CNTN4: variants seen among roughly 807,000 people sequenced by gnomAD.
The protein encoded by CNTN4 is contactin-4.
CNTN4 carries 77 observed loss-of-function variants against 122.5 expected under a neutral mutation model. The observed-to-expected ratio is 0.63, with a 90% CI of 0.52 to 0.76. The LOEUF is 0.76. CNTN4 is among the 30% of genes least tolerant of loss of function. CNTN4 has a pLI of 0.00. For synonymous variants in CNTN4, 512 were observed against 447.0 expected (o/e 1.15, Z -1.83); for missense variants, 1,256 against 1,259.1 (o/e 1.00, Z 0.04).
rs566060329 is a variant in CNTN4, at chr3:2,600,592, G to C, written c.55+29034G>C. On this transcript the variant is annotated intron_variant, in intron 4 of 24. Transcript: ENST00000418658. ...CTATGTGCCACATTTTCTTAATCCA[G>C]TGTATCATTGATGGACATTTGGGTT... Among the ~76,000 whole-genome samples, 18 of 152,258 alleles carry C rather than the reference G, an allele frequency of 1.2e-4. No individual in the cohort carries two copies. The East Asian group carries it at 2.5e-3, about 21-fold the overall frequency.
intron 3 of CNTN4, among the ~76,000 whole-genome samples, chr3:2,350,005 C>T (rs1280367613): frequency 2.0e-5 from 3 of 152,134 alleles, no homozygotes; most frequent in East Asian, 3.9e-4. Flanking sequence ...GCAATCCACC[C>T]TTGCCGTTAA....
chr3:2,353,463 G>C (rs2044728667), intron 3 of CNTN4, among the ~76,000 whole-genome samples: 1 of 152,070 alleles, frequency 6.6e-6, no homozygotes, highest in African/African-American at 2.4e-5. Flanking sequence ...AATAAATCTT[G>C]CCGCTGCTCA....
intron 4 of CNTN4, among the ~76,000 whole-genome samples, chr3:2,606,047 C>T (rs560363498): frequency 6.7e-4 from 102 of 152,060 alleles, no homozygotes; most frequent in Non-Finnish European, 1.3e-3. Flanking sequence ...TTTGGTGGGG[C>T]AGCACTCGAG....
intron 2 of CNTN4, among the ~76,000 whole-genome samples, chr3:2,269,897 A>AGTTT (rs138625814): frequency 0.027 from 1,856 of 68,786 alleles, 319 homozygotes; most frequent in African/African-American, 0.063. Flanking sequence ...TATTATAGCC[A>AGTTT]GTTTGTTTGT....
At chr3:2,154,665 A>T (rs904324930) in intron 2 of CNTN4, among the ~76,000 whole-genome samples, 1 of 152,238 alleles carries the variant, frequency 6.6e-6, no homozygotes, top group Non-Finnish European at 1.5e-5. Flanking sequence ...GGTTTTACAC[A>T]AATAGTGAAT....
intron 6 of CNTN4, among the ~76,000 whole-genome samples, chr3:2,752,121 T>C (rs1444412428): frequency 6.6e-6 from 1 of 152,190 alleles, no homozygotes. Context: ...TTCCCCTTTC[T>C]GTCCCTCCAT....
At chr3:2,953,518 C>A (rs191628508) in intron 13 of CNTN4, among the ~76,000 whole-genome samples, 1 of 152,006 alleles carries the variant, frequency 6.6e-6, no homozygotes, top group Admixed American at 6.6e-5. Flanking sequence ...TAAACTGACC[C>A]GGGGCACAGT....
rs11923069 is a variant in CNTN4 at position 2,646,474 on chromosome 3, G to A, written c.55+74916G>A. 8.5e-3 allele frequency among the ~76,000 whole-genome samples: 1,290 copies of A among 152,286 alleles called. 22 individuals are homozygous for A. The highest frequency in any genetic ancestry group is 0.029 in the African/African-American group (1,222 of 41,552). On this transcript the variant is annotated intron_variant, in intron 4 of 24. Transcript: ENST00000418658. Reference sequence around the variant, plus strand: ...ACCTCGTATAATCGTGGTCAGAATTGAAGGGGTTAATACATACCCTCAGAC... The same window carrying A: ...ACCTCGTATAATCGTGGTCAGAATTAAAGGGGTTAATACATACCCTCAGAC...
At chr3:2,941,688 A>G (rs1050015017) in intron 13 of CNTN4, among the ~76,000 whole-genome samples, 2 of 152,118 alleles carry the variant, frequency 1.3e-5, no homozygotes, top group Non-Finnish European at 2.9e-5. Context: ...CTCTGCTTCT[A>G]TACTCGCTCC....
intron 13 of CNTN4, among the ~76,000 whole-genome samples, chr3:2,962,053 T>C (rs1021329296): frequency 6.6e-6 from 1 of 152,232 alleles, no homozygotes; most frequent in East Asian, 1.9e-4. Flanking sequence ...ATATGAAAGA[T>C]GTAATTTGAA....
At chr3:3,054,010 C>A in intron 24 of CNTN4, 35 bp downstream of exon 24, 1 of 1,607,522 alleles carries the variant, frequency 6.2e-7, no homozygotes, top group Non-Finnish European at 8.5e-7. Context: ...TTTCTCCTGC[C>A]TGTCTTATCT....
chr3:2,260,011 T>A (rs1259199525), intron 2 of CNTN4, among the ~76,000 whole-genome samples: 1 of 152,146 alleles, frequency 6.6e-6, no homozygotes, highest in Non-Finnish European at 1.5e-5. Flanking sequence ...TTTTCATAGG[T>A]CATTGGAATT....
In CNTN4 at chr3:2,878,768, G is replaced by A. The variant is rs146611134; in HGVS notation, c.653-4377G>A. On this transcript the variant is annotated intron_variant, in intron 8 of 24. Coordinates refer to ENST00000418658, the MANE Select transcript of CNTN4 (RefSeq NM_175607.3). The stretch of plus-strand genomic sequence containing the variant: ...GAATATAGCTATGAAAAAGACAGAC[G>A]CATTATTTGGTGTAATATGTTTTGC... Among the ~76,000 whole-genome samples, 135 of 152,252 alleles carry A rather than the reference G, an allele frequency of 8.9e-4. 1 individual carries two copies. The Middle Eastern group carries it at 0.031, about 35-fold the overall frequency.
rs147700700 is a variant in CNTN4 at position 2,300,594 on chromosome 3, A to G, written c.-144-38584A>G. Among the ~76,000 whole-genome samples the G allele has an allele frequency of 3.5e-3, 303 of 87,326 alleles. 7 individuals are homozygous for G. In the Admixed American group the frequency reaches 0.04, roughly 12 times the overall value. The allele number at this position is 87,326 out of a possible 152,430, so 57.3% of individuals were successfully genotyped here. A position where few individuals can be genotyped will look rare whatever the true frequency, so the allele number is the denominator to read the frequency against. ...TTTTTTTTTTTTTTTTTTTTTTGAG[A>G]TGGAGTCTTGCTCTGTCTCCAGGCT... On this transcript the variant is annotated intron_variant, in intron 2 of 24. Transcript: ENST00000418658.
At chr3:2,478,654 G>C (rs1030992022) in intron 3 of CNTN4, among the ~76,000 whole-genome samples, 1 of 151,956 alleles carries the variant, frequency 6.6e-6, no homozygotes, top group African/African-American at 2.4e-5. Context: ...TCATCATTTA[G>C]CTCCCACTTA....
At chr3:3,036,880 AAC>A (rs1171556714) in intron 17 of CNTN4, among the ~76,000 whole-genome samples, 5 of 152,228 alleles carry the variant, frequency 3.3e-5, no homozygotes. Context: ...TAAATGCGGA[AAC>A]ACATGTGAAG....
chr3:2,638,521 C>T (rs1261157637), intron 4 of CNTN4, among the ~76,000 whole-genome samples: 2 of 151,976 alleles, frequency 1.3e-5, no homozygotes, highest in African/African-American at 4.8e-5. Context: ...GACACACATT[C>T]AGACATGTCA....
At chr3:3,036,532 G>C (rs1036255942) in intron 17 of CNTN4, among the ~76,000 whole-genome samples, 3 of 152,104 alleles carry the variant, frequency 2.0e-5, no homozygotes, top group African/African-American at 7.2e-5. Flanking sequence ...ATAGGCCAAG[G>C]CGGGTGGATC....
intron 3 of CNTN4, among the ~76,000 whole-genome samples, chr3:2,504,911 G>A (rs1440164107): frequency 6.6e-6 from 1 of 152,142 alleles, no homozygotes; most frequent in Non-Finnish European, 1.5e-5. Context: ...TCTATAAAAG[G>A]AAGGTATGAC....
Sources: allele counts gnomAD v4.1 joint callset (sites outside exome capture counted in the v4.1 genomes callset), GRCh38; gene constraint gnomAD v4.1.1; transcripts MANE v1.5; gene names NCBI Gene and HGNC (gene_info 2026-07-23, HGNC 2026-07-21).